The following OTOA variants were observed in gnomAD, a reference collection of about 807,000 sequenced individuals.
The protein encoded by OTOA is otoancorin.
Under a neutral mutation model 110.8 loss-of-function variants are expected in OTOA, and 70 were observed. That is an observed-to-expected ratio of 0.63 (90% CI 0.52 to 0.77). The LOEUF (loss-of-function observed/expected upper bound fraction) is 0.77. Ranked by LOEUF, OTOA falls within the 30% of genes least tolerant of loss-of-function variation. The probability of loss-of-function intolerance (pLI) is 0.00; values close to 1 mark genes in which losing one functional copy is unlikely to be tolerated. For synonymous variants in OTOA, 373 were observed against 431.5 expected (o/e 0.86, Z 1.68); for missense variants, 917 against 1,075.8 (o/e 0.85, Z 2.06).
intron 20 of OTOA, among the ~76,000 whole-genome samples, chr16:21,729,016 G>A (rs1339266902): frequency 6.6e-6 from 1 of 151,486 alleles, no homozygotes; most frequent in African/African-American, 2.4e-5. Context: ...ATGCAAGGTA[G>A]TGGTATTATT....
intron 14 of OTOA, 68 bp from the exon 15 acceptor site, chr16:21,716,839 G>T: frequency 6.3e-7 from 1 of 1,590,654 alleles, no homozygotes; most frequent in Middle Eastern, 2.1e-4. Context: ...GTGATGTAGT[G>T]CCTGGCCCTT....
At chr16:21,666,865 G>A (rs1321802969) in intron 1 of OTOA, among the ~76,000 whole-genome samples, 4 of 152,056 alleles carry the variant, frequency 2.6e-5, no homozygotes, top group Admixed American at 6.6e-5. Flanking sequence ...GCAGTTTCTC[G>A]CTGGAAAAAG....
intron 1 of OTOA, among the ~76,000 whole-genome samples, chr16:21,674,268 C>G (rs766443376): frequency 5.9e-5 from 9 of 152,132 alleles, no homozygotes; most frequent in Admixed American, 6.6e-5. Flanking sequence ...TGTGAGTGAT[C>G]CAGTTTCTCC....
At chr16:21,685,205 G>A (rs747516934) in intron 6 of OTOA, 25 bp from the exon 7 acceptor site, 1 of 1,609,272 alleles carries the variant, frequency 6.2e-7, no homozygotes, top group Non-Finnish European at 8.5e-7. Flanking sequence ...TGTTCTCACC[G>A]ACTCTCCCAA....
chr16:21,700,822 G>C lies in OTOA; in HGVS notation c.841-66G>C. 5 of 1,597,500 alleles carry C rather than the reference G, an allele frequency of 3.1e-6. No homozygotes were observed. In the South Asian group the frequency reaches 4.4e-5, roughly 14 times the overall value. On this transcript the variant is annotated intron_variant, in intron 10 of 28. Coordinates refer to ENST00000646100, the MANE Select transcript of OTOA (RefSeq NM_144672.4). The stretch of plus-strand genomic sequence containing the variant: ...TGATGGGGCACAGTGCAGACCACCA[G>C]GGTGGGGCCACACTGGGCCACTTCC...
Position 21,728,327 on chromosome 16 carries a change from C to A in OTOA, c.2103C>A (p.Ile701=). ...CGGCAGCCATCATCGACAGGGGGAT[C>A]TCCCCCAGGGCTTGGGCGACTGCTC... The part of the protein sequence containing the change: ...HLPAAIIDRG[I]SPRAWATALH... The change falls in exon 20 of 29, where the codon ATC becomes ATA. Residue 701 remains isoleucine (I), a synonymous_variant. Coordinates refer to ENST00000646100, the MANE Select transcript of OTOA (RefSeq NM_144672.4). 1 of 1,614,058 alleles carries A rather than the reference C, an allele frequency of 6.2e-7. No individual in the cohort carries two copies. The highest frequency in any genetic ancestry group is 1.1e-5 in the South Asian group (1 of 91,080).
intron 1 of OTOA, among the ~76,000 whole-genome samples, chr16:21,673,202 A>G (rs1019166960): frequency 6.6e-6 from 1 of 152,212 alleles, no homozygotes; most frequent in Non-Finnish European, 1.5e-5. Context: ...AAGTTGCAAA[A>G]GAAATATCCT....
intron 2 of OTOA, 111 bp downstream of exon 2, chr16:21,678,716 G>T (rs904711923): frequency 1.7e-6 from 2 of 1,162,092 alleles, no homozygotes; most frequent in Non-Finnish European, 2.6e-6. Flanking sequence ...GGCTGTGTGT[G>T]TGTGCATGTA....
intron 11 of OTOA, among the ~76,000 whole-genome samples, chr16:21,702,601 C>T (rs1898074903): frequency 6.6e-6 from 1 of 152,184 alleles, no homozygotes; most frequent in African/African-American, 2.4e-5. Context: ...TAAAAATATG[C>T]CTACTGCATT....
chr16:21,699,951 AAAAAT>A (rs869082232), intron 10 of OTOA, among the ~76,000 whole-genome samples: 3 of 151,896 alleles, frequency 2.0e-5, no homozygotes, highest in Non-Finnish European at 4.4e-5. Context: ...AAATAAAAAC[AAAAAT>A]AAAATAAAAA....
intron 9 of OTOA, among the ~76,000 whole-genome samples, chr16:21,697,556 C>T (rs751163837): frequency 6.6e-5 from 10 of 152,182 alleles, no homozygotes; most frequent in South Asian, 4.2e-4. Context: ...TCGCTTGAAC[C>T]GGCAGGCGGA....
chr16:21,725,055 G>A (rs1489002807), intron 18 of OTOA, among the ~76,000 whole-genome samples: 1 of 152,110 alleles, frequency 6.6e-6, no homozygotes, highest in Non-Finnish European at 1.5e-5. Context: ...TGGGATTACA[G>A]GCGTGAGCCA....
At chr16:21,714,356 T>TC (rs1491568925) in intron 13 of OTOA, among the ~76,000 whole-genome samples, 1 of 115,750 alleles carries the variant, frequency 8.6e-6, no homozygotes, top group South Asian at 3.1e-4. Flanking sequence ...TTTCTTTCCT[T>TC]CTCTCTTTCT....
Position 21,722,422 on chromosome 16 carries a change from G to C in OTOA, c.1807-483G>C, listed in dbSNP as rs1035887786. 1.1e-4 allele frequency among the ~76,000 whole-genome samples: 9 copies of C among 84,500 alleles called. No individual in the cohort carries two copies. The South Asian group carries it at 1.2e-3, about 11-fold the overall frequency. The allele number at this position is 84,500 out of a possible 152,430, so 55.4% of individuals were successfully genotyped here. On this transcript the variant is annotated intron_variant, in intron 17 of 28. Coordinates refer to ENST00000646100, the MANE Select transcript of OTOA (RefSeq NM_144672.4). ...TATATATAACTATATGTATAGTTAA[G>C]CTATATATATAGTTTAACAGAATTG...
At chr16:21,700,451 A>T (rs1468076903) in intron 10 of OTOA, among the ~76,000 whole-genome samples, 1 of 152,112 alleles carries the variant, frequency 6.6e-6, no homozygotes, top group African/African-American at 2.4e-5. Flanking sequence ...GAGGCCAGGC[A>T]TGGTGGCTTA....
At chr16:21,675,545 C>T (rs1336337599) in intron 1 of OTOA, among the ~76,000 whole-genome samples, 1 of 151,862 alleles carries the variant, frequency 6.6e-6, no homozygotes, top group African/African-American at 2.4e-5. Context: ...TGCTCCAGAG[C>T]CCTCTTAATT....
intron 2 of OTOA, 108 bp downstream of exon 2, chr16:21,678,713 T>A: frequency 1.7e-6 from 2 of 1,157,538 alleles, no homozygotes; most frequent in Admixed American, 1.8e-5. Flanking sequence ...TTGGGCTGTG[T>A]GTGTGTGCAT....
rs1333207790 is a variant in OTOA at position 21,749,975 on chromosome 16, G to A, written c.2776-1960G>A. On this transcript the variant is annotated intron_variant, in intron 24 of 28. Transcript: ENST00000646100. ...GCTGGGATTACAGGTGTGAGCCACCGTGCCCAGCCCAGACTTTATTTTGTA... is the reference window on the plus strand; with the variant it reads ...GCTGGGATTACAGGTGTGAGCCACCATGCCCAGCCCAGACTTTATTTTGTA... 3.0e-4 allele frequency among the ~76,000 whole-genome samples: 45 copies of A among 147,854 alleles called. No individual in the cohort carries two copies. In the South Asian group the frequency reaches 3.5e-3, roughly 11 times the overall value.
intron 27 of OTOA, among the ~76,000 whole-genome samples, chr16:21,755,447 CGTGT>C (rs4016992): frequency 0.06 from 3,903 of 64,690 alleles, 22 homozygotes; most frequent in Middle Eastern, 0.08. Context: ...ACCACCCCAC[CGTGT>C]GTGTGTGTGT....
Sources: gnomAD v4.1 joint callset for allele counts (sites outside exome capture counted in the v4.1 genomes callset) on GRCh38, gnomAD v4.1.1 for gene constraint, MANE v1.5 for transcripts, NCBI Gene and HGNC (gene_info 2026-07-23, HGNC 2026-07-21) for gene names.